CTNNA3: variants seen among roughly 807,000 people sequenced by gnomAD.
The protein encoded by CTNNA3 is catenin alpha-3.
A neutral mutation model predicts 95.7 loss-of-function variants in CTNNA3; 76 were observed. The ratio of observed to expected loss-of-function variants is 0.79; its 90% CI spans 0.66 to 0.96. CTNNA3 has a LOEUF of 0.96. Among genes scored for constraint, CTNNA3 ranks in the 40% least tolerant of loss-of-function variants. The pLI is 0.00. For synonymous variants in CTNNA3, 431 were observed against 374.4 expected (o/e 1.15, Z -1.74); for missense variants, 1,191 against 1,089.8 (o/e 1.09, Z -1.31).
intron 1 of CTNNA3, among the ~76,000 whole-genome samples, chr10:67,752,418 C>T (rs1445743169): frequency 6.6e-6 from 1 of 152,172 alleles, no homozygotes; most frequent in Non-Finnish European, 1.5e-5. Flanking sequence ...TGGCACAAAA[C>T]AAGGATGGCC....
intron 11 of CTNNA3, among the ~76,000 whole-genome samples, chr10:66,396,919 A>G (rs950407503): frequency 1.3e-5 from 2 of 151,910 alleles, no homozygotes; most frequent in Non-Finnish European, 2.9e-5. Context: ...TTAATAGAAT[A>G]TAACAAACCA....
At chr10:66,028,432 C>G (rs373401192) in intron 15 of CTNNA3, among the ~76,000 whole-genome samples, 1 of 152,152 alleles carries the variant, frequency 6.6e-6, no homozygotes, top group Non-Finnish European at 1.5e-5. Context: ...ATGATGAGTT[C>G]ATGTCCTTTG....
intron 5 of CTNNA3, among the ~76,000 whole-genome samples, chr10:67,433,463 G>A (rs987169226): frequency 9.2e-5 from 14 of 152,000 alleles, no homozygotes; most frequent in African/African-American, 2.4e-4. Flanking sequence ...GTGACCACAC[G>A]CTGTTGGGAA....
At chr10:66,461,639 T>C (rs140051789) in intron 11 of CTNNA3, among the ~76,000 whole-genome samples, 10 of 150,540 alleles carry the variant, frequency 6.6e-5, no homozygotes, top group African/African-American at 2.4e-4. Context: ...GAGATATCAT[T>C]ATTTCACATG....
intron 13 of CTNNA3, among the ~76,000 whole-genome samples, chr10:66,224,059 A>G (rs1474654470): frequency 6.6e-6 from 1 of 152,088 alleles, no homozygotes. Context: ...TAAAAATGTA[A>G]AAAGCAAGAA....
chr10:66,843,289 T>G (rs2132354187), intron 7 of CTNNA3, among the ~76,000 whole-genome samples: 1 of 152,272 alleles, frequency 6.6e-6, no homozygotes, highest in East Asian at 1.9e-4. Context: ...CCCAGACCCC[T>G]GTCACTCCAA....
intron 11 of CTNNA3, among the ~76,000 whole-genome samples, chr10:66,486,694 T>C (rs1172798542): frequency 6.6e-6 from 1 of 152,162 alleles, no homozygotes; most frequent in Admixed American, 6.5e-5. Context: ...TCTGGGTATA[T>C]AGCCAAAGGA....
rs144896597 is a variant in CTNNA3, at chr10:67,257,643, C to T, written c.580-37773G>A. The stretch of plus-strand genomic sequence containing the variant: ...GCAAGTACAAAGTTCTCTTAAACAG[C>T]GGGTGGACTAGTGTTTCGTGCATGT... On this transcript the variant is annotated intron_variant, in intron 5 of 17. Transcript: ENST00000433211. Among the ~76,000 whole-genome samples the T allele has an allele frequency of 2.7e-3, 417 of 152,168 alleles. 1 individual carries two copies. The highest frequency in any genetic ancestry group is 9.5e-3 in the African/African-American group (393 of 41,512).
intron 5 of CTNNA3, among the ~76,000 whole-genome samples, chr10:67,331,131 A>G (rs1453841756): frequency 1.3e-5 from 2 of 152,224 alleles, no homozygotes; most frequent in East Asian, 3.8e-4. Flanking sequence ...TAAATTGGGA[A>G]TACAGAAACT....
intron 13 of CTNNA3, among the ~76,000 whole-genome samples, chr10:66,138,587 G>T (rs898126108): frequency 1.3e-5 from 2 of 152,172 alleles, no homozygotes; most frequent in African/African-American, 4.8e-5. Context: ...CCAGCACTTT[G>T]GGAGGCCGAG....
chr10:67,260,421 A>T (rs1866551103), intron 5 of CTNNA3, among the ~76,000 whole-genome samples: 1 of 152,204 alleles, frequency 6.6e-6, no homozygotes. Flanking sequence ...AATATAAAAT[A>T]GTTTCTCCAC....
chr10:67,695,785 T>C (rs985713674), intron 1 of CTNNA3, among the ~76,000 whole-genome samples: 2 of 152,194 alleles, frequency 1.3e-5, no homozygotes, highest in Admixed American at 1.3e-4. Context: ...CTGGCAATAG[T>C]TCGAAAGTTA....
At chr10:66,820,138 TATA>T (rs1273494076) in intron 7 of CTNNA3, among the ~76,000 whole-genome samples, 4 of 151,590 alleles carry the variant, frequency 2.6e-5, no homozygotes, top group Non-Finnish European at 5.9e-5. Flanking sequence ...ATTCATACAA[TATA>T]ATATTATTCC....
chr10:66,296,443 T>A (rs549054336), intron 12 of CTNNA3, among the ~76,000 whole-genome samples: 1 of 152,228 alleles, frequency 6.6e-6, no homozygotes, highest in Non-Finnish European at 1.5e-5. Flanking sequence ...TCAATTCACA[T>A]AGCAAGATCT....
At chr10:67,637,034 G>A (rs924089573) in intron 2 of CTNNA3, among the ~76,000 whole-genome samples, 3 of 152,192 alleles carry the variant, frequency 2.0e-5, no homozygotes, top group African/African-American at 7.2e-5. Flanking sequence ...GATGAGTTGA[G>A]AGAAGAAGAC....
intron 7 of CTNNA3, among the ~76,000 whole-genome samples, chr10:67,162,124 G>C (rs779964158): frequency 1.3e-5 from 2 of 151,954 alleles, no homozygotes; most frequent in Non-Finnish European, 2.9e-5. Context: ...AGAACAACTA[G>C]ACAGAAAATC....
chr10:66,768,102 T>C (rs1589233068), intron 8 of CTNNA3, among the ~76,000 whole-genome samples: 2 of 152,264 alleles, frequency 1.3e-5, no homozygotes, highest in East Asian at 3.9e-4. Context: ...GAACTACAGG[T>C]TGTGTAAGTT....
intron 14 of CTNNA3, 56 bp downstream of exon 14, chr10:66,103,101 G>T: frequency 7.1e-7 from 1 of 1,407,294 alleles, no homozygotes. Flanking sequence ...GACAAAGGGA[G>T]GGCACAGCCT....
chr10:66,593,960 T>G (rs2132236213), intron 10 of CTNNA3, among the ~76,000 whole-genome samples: 1 of 152,178 alleles, frequency 6.6e-6, no homozygotes, highest in African/African-American at 2.4e-5. Context: ...ATCCAATGGT[T>G]TTAAATATCA....
Sources: allele counts gnomAD v4.1 joint callset (sites outside exome capture counted in the v4.1 genomes callset), GRCh38; gene constraint gnomAD v4.1.1; transcripts MANE v1.5; gene names NCBI Gene and HGNC (gene_info 2026-07-23, HGNC 2026-07-21).